Variants in IQGAP2 observed in about 807,000 individuals in gnomAD.
IQGAP2 encodes IQ motif containing GTPase activating protein 2.
A neutral mutation model predicts 201.3 loss-of-function variants in IQGAP2; 173 were observed. The ratio of observed to expected loss-of-function variants is 0.86; its 90% CI spans 0.76 to 0.98. The LOEUF (loss-of-function observed/expected upper bound fraction) is 0.98, where lower values mean the gene tolerates loss of function less well. Ranked by LOEUF, IQGAP2 falls within the 50% of genes least tolerant of loss-of-function variation. The pLI is 0.00. For synonymous variants in IQGAP2, 675 were observed against 673.9 expected (o/e 1.00, Z -0.03); for missense variants, 1,687 against 1,864.8 (o/e 0.90, Z 1.76).
chr5:76,416,588 C>T (rs958185303), intron 1 of IQGAP2, among the ~76,000 whole-genome samples: 3 of 149,660 alleles, frequency 2.0e-5, no homozygotes, highest in African/African-American at 5.0e-5. Flanking sequence ...TGTGCAGTGG[C>T]GCGATCTTGG....
chr5:76,676,270 AT>A (rs1744813782), intron 27 of IQGAP2, among the ~76,000 whole-genome samples: 1 of 152,158 alleles, frequency 6.6e-6, no homozygotes, highest in South Asian at 2.1e-4. Context: ...TTCCACTCAT[AT>A]TTATCCTTTG....
At chr5:76,669,513 T>A (rs1400645752) in intron 23 of IQGAP2, among the ~76,000 whole-genome samples, 4 of 152,172 alleles carry the variant, frequency 2.6e-5, no homozygotes, top group Admixed American at 2.6e-4. Flanking sequence ...ATGAAGGACA[T>A]GTACAATGTA....
intron 3 of IQGAP2, among the ~76,000 whole-genome samples, chr5:76,564,826 T>C (rs1395633543): frequency 6.6e-6 from 1 of 152,194 alleles, no homozygotes; most frequent in Non-Finnish European, 1.5e-5. Flanking sequence ...ACAGAGGTGA[T>C]GCTGGGAGAG....
chr5:76,705,780 C>A (rs1747840500), intron 35 of IQGAP2, among the ~76,000 whole-genome samples: 1 of 152,208 alleles, frequency 6.6e-6, no homozygotes, highest in Non-Finnish European at 1.5e-5. Flanking sequence ...ATGACTCCAA[C>A]TTCTACAATT....
intron 2 of IQGAP2, among the ~76,000 whole-genome samples, chr5:76,466,612 C>G (rs551402505): frequency 5.3e-5 from 8 of 152,262 alleles, no homozygotes; most frequent in African/African-American, 1.9e-4. Context: ...AGAGAAGATG[C>G]CCTTTTCAAC....
intron 16 of IQGAP2, among the ~76,000 whole-genome samples, chr5:76,639,533 G>A (rs976975357): frequency 6.6e-6 from 1 of 152,192 alleles, no homozygotes; most frequent in Non-Finnish European, 1.5e-5. Context: ...CCCAAAGGAT[G>A]TGAAACCTGC....
chr5:76,443,823 A>G (rs1323220019), intron 1 of IQGAP2, among the ~76,000 whole-genome samples: 2 of 152,216 alleles, frequency 1.3e-5, no homozygotes, highest in African/African-American at 4.8e-5. Context: ...TTTATTGGGC[A>G]AACTCTAGTT....
At chr5:76,622,287 C>T (rs973621883) in intron 13 of IQGAP2, among the ~76,000 whole-genome samples, 4 of 152,226 alleles carry the variant, frequency 2.6e-5, no homozygotes, top group East Asian at 1.9e-4. Context: ...CCAGAAAGAG[C>T]GTGCACTTAT....
At chr5:76,567,324 T>C (rs1230164130) in intron 3 of IQGAP2, among the ~76,000 whole-genome samples, 1 of 152,160 alleles carries the variant, frequency 6.6e-6, no homozygotes, top group Non-Finnish European at 1.5e-5. Context: ...CATTTCGGAT[T>C]TCGGATTTTG....
chr5:76,643,000 A>G (rs1328424433), intron 17 of IQGAP2, among the ~76,000 whole-genome samples: 3 of 152,226 alleles, frequency 2.0e-5, no homozygotes, highest in Admixed American at 6.5e-5. Context: ...AGTCCCCGAT[A>G]AAATTGCCTG....
intron 2 of IQGAP2, among the ~76,000 whole-genome samples, chr5:76,497,509 T>C (rs1359693948): frequency 6.6e-6 from 1 of 152,268 alleles, no homozygotes; most frequent in East Asian, 1.9e-4. Flanking sequence ...TTCACTCAGA[T>C]TCATTGTCAA....
In IQGAP2 at chr5:76,707,296, A is replaced by G; in HGVS notation, c.4711A>G (p.Lys1571Glu). The change falls in exon 36 of 36, where the codon AAG becomes GAG. Residue 1571 changes from lysine to glutamate, a missense_variant. By Grantham distance (56) the Lys-to-Glu change is moderately conservative. Coordinates refer to ENST00000274364, the MANE Select transcript of IQGAP2 (RefSeq NM_006633.5). ...VNLLIYLLNK[K>E]FYGK ...CCTTCTCATATACCTGCTGAACAAG[A>G]AGTTCTATGGAAAGTGAAGTGCCTA... 6.6e-7 allele frequency: 1 copy of G among 1,521,262 alleles called. No individual in the cohort carries two copies. Among genetic ancestry groups the G allele is most frequent in the East Asian group, 2.3e-5 (1 of 44,404 alleles). 94.2% of individuals were successfully genotyped at this position (1,521,262 alleles called of 1,614,324 possible).
chr5:76,690,103 T>C (rs1378374812), intron 30 of IQGAP2, among the ~76,000 whole-genome samples: 1 of 152,162 alleles, frequency 6.6e-6, no homozygotes, highest in Non-Finnish European at 1.5e-5. Flanking sequence ...CAACCTATCT[T>C]ACATATTTGA....
rs75617841 is a variant in IQGAP2, at chr5:76,411,661, G to A, written c.46+8070G>A. Among the ~76,000 whole-genome samples, 607 of 152,226 alleles carry A rather than the reference G, an allele frequency of 4.0e-3. 2 individuals carry two copies. The highest frequency in any genetic ancestry group is 6.3e-3 in the Non-Finnish European group (426 of 68,024). ...TGCCATGTTACGGTGCAGTAAGAAGGCCCTCACCAGTTGCAGGCCCCTCAA... is the reference window on the plus strand; with the variant it reads ...TGCCATGTTACGGTGCAGTAAGAAGACCCTCACCAGTTGCAGGCCCCTCAA... On this transcript the variant is annotated intron_variant, in intron 1 of 35. Transcript: ENST00000274364.
In IQGAP2 at chr5:76,707,459, C is replaced by T. The variant is rs1471159481; in HGVS notation, c.*146C>T. On this transcript the variant is annotated 3_prime_UTR_variant, in exon 36 of 36. Transcript: ENST00000274364. Reference sequence around the variant, plus strand: ...GACCAAAACTGTTCTGAAGAATGTACCCAGGTGCCTTTTTGCTAATTTGAT... The same window carrying T: ...GACCAAAACTGTTCTGAAGAATGTATCCAGGTGCCTTTTTGCTAATTTGAT... 8.1e-6 allele frequency: 5 copies of T among 617,642 alleles called. No homozygotes were observed. The highest frequency in any genetic ancestry group is 1.4e-5 in the Non-Finnish European group (5 of 349,926). The allele number at this position is 617,642 out of a possible 1,614,324, so 38.3% of individuals were successfully genotyped here.
intron 2 of IQGAP2, among the ~76,000 whole-genome samples, chr5:76,477,732 A>G (rs1755526350): frequency 6.6e-6 from 1 of 152,220 alleles, no homozygotes; most frequent in African/African-American, 2.4e-5. Context: ...CATTGTTATC[A>G]TAGGAGATAA....
intron 2 of IQGAP2, among the ~76,000 whole-genome samples, chr5:76,483,325 A>G (rs1243441725): frequency 1.3e-5 from 2 of 152,196 alleles, no homozygotes; most frequent in Non-Finnish European, 2.9e-5. Flanking sequence ...CCGGGAGAGT[A>G]GGAGACCTCT....
chr5:76,677,075 C>A, intron 27 of IQGAP2, 143 bp from the exon 28 acceptor site: 1 of 728,602 alleles, frequency 1.4e-6, no homozygotes, highest in Non-Finnish European at 2.2e-6. Context: ...AGGAGCCAGC[C>A]TGGAAGAAGC....
At chr5:76,592,437 A>T (rs539731432) in intron 8 of IQGAP2, among the ~76,000 whole-genome samples, 4 of 152,320 alleles carry the variant, frequency 2.6e-5, no homozygotes, top group East Asian at 3.9e-4. Flanking sequence ...ATACTTTCTT[A>T]AAAAATGCTT....
Sources: allele counts gnomAD v4.1 joint callset (sites outside exome capture counted in the v4.1 genomes callset), GRCh38; gene constraint gnomAD v4.1.1; transcripts MANE v1.5; gene names NCBI Gene and HGNC (gene_info 2026-07-23, HGNC 2026-07-21).